Variants in ELOVL7 observed in about 807,000 individuals in gnomAD.
The protein encoded by ELOVL7 is ELOVL fatty acid elongase 7, also known as very long chain fatty acid elongase 7.
Under a neutral mutation model 35.7 loss-of-function variants are expected in ELOVL7, and 27 were observed. That is an observed-to-expected ratio of 0.76 (90% CI 0.56 to 1.04). ELOVL7 has a LOEUF of 1.04. Ranked by LOEUF, ELOVL7 falls within the 50% of genes least tolerant of loss-of-function variation. The pLI is 0.00. For synonymous variants in ELOVL7, 113 were observed against 114.6 expected (o/e 0.99, Z 0.09); for missense variants, 327 against 340.8 (o/e 0.96, Z 0.32).
intron 1 of ELOVL7, among the ~76,000 whole-genome samples, chr5:60,817,015 G>A (rs1048960502): frequency 3.3e-5 from 5 of 152,054 alleles, no homozygotes; most frequent in African/African-American, 9.7e-5. Context: ...TGGTAAACCT[G>A]AGCTAATTAT....
chr5:60,840,901 T>C (rs1747125346), intron 1 of ELOVL7, among the ~76,000 whole-genome samples: 1 of 152,166 alleles, frequency 6.6e-6, no homozygotes, highest in Admixed American at 6.5e-5. Context: ...AGAGTTTTAG[T>C]TAAGTAAATC....
intron 1 of ELOVL7, among the ~76,000 whole-genome samples, chr5:60,809,054 A>G (rs937033352): frequency 5.9e-5 from 9 of 152,086 alleles, no homozygotes; most frequent in African/African-American, 2.2e-4. Context: ...TTAAAAAATA[A>G]TATTAAGAGA....
chr5:60,773,377 T>C (rs537475688), intron 3 of ELOVL7, among the ~76,000 whole-genome samples: 5 of 152,322 alleles, frequency 3.3e-5, no homozygotes, highest in African/African-American at 1.2e-4. Flanking sequence ...TGACAAATTC[T>C]GAATACCCCT....
chr5:60,785,630 A>T (rs1425378201), intron 3 of ELOVL7, among the ~76,000 whole-genome samples: 1 of 152,206 alleles, frequency 6.6e-6, no homozygotes, highest in Non-Finnish European at 1.5e-5. Flanking sequence ...AAGCAATGAA[A>T]ATATTAGTAT....
chr5:60,754,939 G>A, intron 8 of ELOVL7, 106 bp from the exon 9 acceptor site: 1 of 870,912 alleles, frequency 1.1e-6, no homozygotes, highest in Non-Finnish European at 1.8e-6. Flanking sequence ...GCACTATTGG[G>A]CAAAGAAGTC....
chr5:60,810,582 T>C (rs1038311679), intron 1 of ELOVL7, among the ~76,000 whole-genome samples: 2 of 152,248 alleles, frequency 1.3e-5, no homozygotes, highest in African/African-American at 4.8e-5. Flanking sequence ...GCACATTATA[T>C]GTAACCAGTA....
At chr5:60,792,271 T>C (rs140188951) in intron 2 of ELOVL7, among the ~76,000 whole-genome samples, 5 of 152,210 alleles carry the variant, frequency 3.3e-5, no homozygotes, top group Middle Eastern at 6.8e-3. Flanking sequence ...TCTTTACTAT[T>C]TGTGGGCCCA....
intron 1 of ELOVL7, among the ~76,000 whole-genome samples, chr5:60,837,946 A>G (rs1200910474): frequency 6.6e-6 from 1 of 152,200 alleles, no homozygotes; most frequent in Admixed American, 6.5e-5. Context: ...CAAAAAAAAG[A>G]TATCTAATGT....
intron 3 of ELOVL7, among the ~76,000 whole-genome samples, chr5:60,780,114 CTTTTTTTTTTTT>C (rs59345433): frequency 8.0e-5 from 10 of 124,334 alleles, no homozygotes; most frequent in Non-Finnish European, 1.3e-4. Flanking sequence ...CAAACTTTCC[CTTTTTTTTTTTT>C]TTTTTTTTTT....
Position 60,751,849 on chromosome 5 carries a change from C to A in ELOVL7, c.*2775G>T, listed in dbSNP as rs113869644. ...AGGGAAAAACAAACTCAAACTTTGACAACATCCACAGAATGTTCCAGTCTT... is the reference window on the plus strand; with the variant it reads ...AGGGAAAAACAAACTCAAACTTTGAAAACATCCACAGAATGTTCCAGTCTT... On this transcript the variant is annotated 3_prime_UTR_variant, in exon 9 of 9. Transcript: ENST00000508821. 1 of 152,088 alleles carries A rather than the reference C, an allele frequency of 6.6e-6. No homozygotes were observed. Among genetic ancestry groups the A allele is most frequent in the African/African-American group, 2.4e-5 (1 of 41,410 alleles). 9.4% of individuals were successfully genotyped at this position (152,088 alleles called of 1,614,324 possible). A position where few individuals can be genotyped will look rare whatever the true frequency, so the allele number is the denominator to read the frequency against.
At chr5:60,811,613 G>A (rs897110352) in intron 1 of ELOVL7, among the ~76,000 whole-genome samples, 2 of 152,078 alleles carry the variant, frequency 1.3e-5, no homozygotes, top group Admixed American at 6.5e-5. Flanking sequence ...ATGGATTAAC[G>A]GGTTATTGAG....
chr5:60,785,054 C>T (rs1298349786), intron 3 of ELOVL7, among the ~76,000 whole-genome samples: 3 of 152,188 alleles, frequency 2.0e-5, no homozygotes, highest in Non-Finnish European at 4.4e-5. Context: ...CAAAGACTCA[C>T]AGCCAATAAA....
intron 1 of ELOVL7, among the ~76,000 whole-genome samples, chr5:60,838,494 C>A (rs1018646840): frequency 6.6e-5 from 10 of 152,294 alleles, no homozygotes; most frequent in East Asian, 3.9e-4. Context: ...AATCTGCCAG[C>A]CCCTTTGCCT....
At chr5:60,764,104 T>C in intron 7 of ELOVL7, 123 bp downstream of exon 7, 1 of 695,498 alleles carries the variant, frequency 1.4e-6, no homozygotes, top group Non-Finnish European at 2.5e-6. Flanking sequence ...ATGAAATAAG[T>C]ATAAACAAAG....
chr5:60,828,872 T>C (rs1199195024), intron 1 of ELOVL7, among the ~76,000 whole-genome samples: 1 of 152,168 alleles, frequency 6.6e-6, no homozygotes, highest in Non-Finnish European at 1.5e-5. Context: ...CATAACAAAG[T>C]GGTGGTTTTT....
At chr5:60,790,529 T>C (rs1214131288) in intron 2 of ELOVL7, among the ~76,000 whole-genome samples, 1 of 152,212 alleles carries the variant, frequency 6.6e-6, no homozygotes, top group Non-Finnish European at 1.5e-5. Flanking sequence ...CAGGAAGGCA[T>C]GTCAGCATGG....
At chr5:60,837,315 T>TTGGG (rs1746866306) in intron 1 of ELOVL7, among the ~76,000 whole-genome samples, 1 of 24,520 alleles carries the variant, frequency 4.1e-5, no homozygotes, top group African/African-American at 1.7e-4. Flanking sequence ...GGCGGGGGGG[T>TTGGG]GGGGGGGGAG....
At chr5:60,786,682 C>T (rs1173317335) in intron 3 of ELOVL7, among the ~76,000 whole-genome samples, 1 of 151,978 alleles carries the variant, frequency 6.6e-6, no homozygotes. Flanking sequence ...CACAGTGGCT[C>T]ACACCTGTAA....
At chr5:60,757,745 G>T in intron 7 of ELOVL7, 100 bp from the exon 8 acceptor site, 1 of 1,033,342 alleles carries the variant, frequency 9.7e-7, no homozygotes, top group Non-Finnish European at 1.3e-6. Context: ...CTTGCATTTT[G>T]GAAAAAAATA....
Sources: allele counts gnomAD v4.1 joint callset (sites outside exome capture counted in the v4.1 genomes callset), GRCh38; gene constraint gnomAD v4.1.1; transcripts MANE v1.5; gene names NCBI Gene and HGNC (gene_info 2026-07-23, HGNC 2026-07-21).